The following IHO1 variants were observed in gnomAD, a reference collection of about 807,000 sequenced individuals.
IHO1 encodes interactor of HORMAD1 protein 1.
In IHO1, 13 loss-of-function variants were observed where a neutral mutation model predicts 31.0. The ratio of observed to expected loss-of-function variants is 0.42; its 90% CI spans 0.27 to 0.67. The LOEUF is 0.67. IHO1 is among the 30% of genes least tolerant of loss of function. The pLI is 0.24. For synonymous variants in IHO1, 221 were observed against 248.4 expected (o/e 0.89, Z 1.04); for missense variants, 599 against 687.5 (o/e 0.87, Z 1.44).
intron 2 of IHO1, among the ~76,000 whole-genome samples, chr3:49,214,633 T>TATA (rs71278651): frequency 3.9e-5 from 1 of 25,578 alleles, no homozygotes; most frequent in African/African-American, 1.7e-4. Flanking sequence ...TATATATATA[T>TATA]TTTTTTTTTT....
chr3:49,236,822 C>G, intron 3 of IHO1, 100 bp downstream of exon 3: 1 of 1,123,106 alleles, frequency 8.9e-7, no homozygotes, highest in Admixed American at 2.7e-5. Context: ...TGGCTGACAC[C>G]TGTAATCCCT....
upstream of IHO1, among the ~76,000 whole-genome samples, chr3:49,194,049 C>G (rs1472097616): frequency 1.3e-5 from 2 of 149,968 alleles, no homozygotes; most frequent in African/African-American, 4.9e-5. Flanking sequence ...GCAGGCAGAT[C>G]ATGAGGTCAG....
intron 1 of IHO1, among the ~76,000 whole-genome samples, chr3:49,200,797 C>T (rs987234087): frequency 6.6e-6 from 1 of 152,158 alleles, no homozygotes; most frequent in Non-Finnish European, 1.5e-5. Flanking sequence ...AGAACGAATA[C>T]CTCTTCCTTA....
intron 2 of IHO1, among the ~76,000 whole-genome samples, chr3:49,216,592 T>G (rs2046289062): frequency 6.6e-6 from 1 of 152,082 alleles, no homozygotes; most frequent in African/African-American, 2.4e-5. Flanking sequence ...GGGCAAAGAC[T>G]TCATGACTAA....
intron 2 of IHO1, among the ~76,000 whole-genome samples, chr3:49,226,961 G>T (rs1237105298): frequency 6.6e-6 from 1 of 152,130 alleles, no homozygotes; most frequent in African/African-American, 2.4e-5. Context: ...GTCCTTTGGA[G>T]ATTTCTTTGC....
In IHO1 at chr3:49,257,584, G is replaced by A; in HGVS notation, c.*302G>A. 1 of 322,930 alleles carries A rather than the reference G, an allele frequency of 3.1e-6. No individual in the cohort carries two copies. Among genetic ancestry groups the A allele is most frequent in the East Asian group, 6.6e-5 (1 of 15,056 alleles). The allele number at this position is 322,930 out of a possible 1,614,324, so 20.0% of individuals were successfully genotyped here. A position where few individuals can be genotyped will look rare whatever the true frequency, so the allele number is the denominator to read the frequency against. On this transcript the variant is annotated 3_prime_UTR_variant, in exon 8 of 8. Transcript: ENST00000452691. Reference sequence around the variant, plus strand: ...CAGGGTGCCTGTACTTTGGCGAAAGGCAGGCAGGCCTCCTTATGGAATACT... The same window carrying A: ...CAGGGTGCCTGTACTTTGGCGAAAGACAGGCAGGCCTCCTTATGGAATACT...
chr3:49,221,789 G>A (rs987022285), intron 2 of IHO1, among the ~76,000 whole-genome samples: 1 of 152,212 alleles, frequency 6.6e-6, no homozygotes, highest in African/African-American at 2.4e-5. Context: ...TAAAACACAG[G>A]GCCCGAAGGC....
At chr3:49,213,637 C>T (rs866071375) in intron 2 of IHO1, among the ~76,000 whole-genome samples, 8 of 152,324 alleles carry the variant, frequency 5.3e-5, no homozygotes, top group South Asian at 2.1e-4. Context: ...CATGGTGGGC[C>T]GGCACTGCTG....
chr3:49,217,602 C>T (rs1265929847), intron 2 of IHO1, among the ~76,000 whole-genome samples: 2 of 151,294 alleles, frequency 1.3e-5, no homozygotes, highest in African/African-American at 4.9e-5. Flanking sequence ...AGTAATAAAC[C>T]TGCACGTTGT....
chr3:49,223,698 A>T (rs1173388511), intron 2 of IHO1, among the ~76,000 whole-genome samples: 1 of 152,174 alleles, frequency 6.6e-6, no homozygotes, highest in Non-Finnish European at 1.5e-5. Context: ...CTCAAAAAAA[A>T]AAAAGCCGGA....
At chr3:49,240,088 C>T (rs35185152) in intron 3 of IHO1, among the ~76,000 whole-genome samples, 14,320 of 152,162 alleles carry the variant, frequency 0.094, 750 homozygotes, top group Middle Eastern at 0.11. Flanking sequence ...CTCTGTCACC[C>T]GGGCTAGAGT....
chr3:49,256,425 A>T lies in IHO1; in HGVS notation c.928A>T (p.Met310Leu). ...QALPAAWNPG[M>L]GSLQPGEFDV... is the part of the protein sequence containing the mutation. ...CCTCCCTGCTGCATGGAATCCTGGT[A>T]TGGGCTCCCTACAGCCTGGAGAATT... is the stretch of plus-strand genomic sequence containing the variant. Residue 310 changes from methionine to leucine, a missense_variant, in exon 8 of 8, where the codon ATG becomes TTG. Physicochemically the swap from Met to Leu is conservative, Grantham distance 15 (BLOSUM62 2). Transcript: ENST00000452691. The surrounding 1 kb of genome is among the most constrained non-coding windows in gnomAD (Gnocchi z 4.6). 1 of 1,614,144 alleles carries T rather than the reference A, an allele frequency of 6.2e-7. No individual in the cohort carries two copies. The highest frequency in any genetic ancestry group is 1.3e-5 in the African/African-American group (1 of 75,032).
At chr3:49,244,893 G>A (rs1363278116) in intron 6 of IHO1, 160 bp downstream of exon 6, 2 of 709,740 alleles carry the variant, frequency 2.8e-6, no homozygotes, top group Non-Finnish European at 5.1e-6. Flanking sequence ...GGAGCACACT[G>A]AGCTGGGTAG....
intron 6 of IHO1, chr3:49,252,138 T>A (rs1252808088): frequency 6.5e-6 from 1 of 153,566 alleles, no homozygotes; most frequent in Non-Finnish European, 1.5e-5. Context: ...GCCACCAAAT[T>A]CATCTTGTTT....
At chr3:49,197,878 C>T (rs1271752236), upstream of IHO1, among the ~76,000 whole-genome samples, 1 of 147,696 alleles carries the variant, frequency 6.8e-6, no homozygotes, top group Non-Finnish European at 1.5e-5. Context: ...GAAACTCCAT[C>T]TCAAAAAAAA....
At chr3:49,196,742 C>G (rs942912113), upstream of IHO1, among the ~76,000 whole-genome samples, 5 of 151,370 alleles carry the variant, frequency 3.3e-5, no homozygotes, top group African/African-American at 4.9e-5. Context: ...GCGATCTCAG[C>G]TCACTGCAAC....
At chr3:49,242,786 CAA>C (rs779330778) in intron 4 of IHO1, among the ~76,000 whole-genome samples, 4 of 152,114 alleles carry the variant, frequency 2.6e-5, no homozygotes, top group African/African-American at 4.8e-5. Flanking sequence ...GCCTGGGAGA[CAA>C]GAGTGAAACT....
At chr3:49,216,486 C>T (rs191541181) in intron 2 of IHO1, among the ~76,000 whole-genome samples, 161 of 152,134 alleles carry the variant, frequency 1.1e-3, no homozygotes, top group African/African-American at 3.3e-3. Context: ...CCCAGCTACC[C>T]GGGAGGCTGA....
upstream of IHO1, among the ~76,000 whole-genome samples, chr3:49,197,147 ATT>A (rs71077772): frequency 9.5e-5 from 12 of 126,970 alleles, no homozygotes; most frequent in African/African-American, 1.8e-4. Flanking sequence ...CAGCCGGCTA[ATT>A]TTTTTTTTTT....
Sources: allele counts gnomAD v4.1 joint callset (sites outside exome capture counted in the v4.1 genomes callset), GRCh38; gene constraint gnomAD v4.1.1; non-coding constraint Gnocchi (gnomAD v3.1); transcripts MANE v1.5; gene names NCBI Gene and HGNC (gene_info 2026-07-23, HGNC 2026-07-21).